KCNAB1: variants seen among roughly 807,000 people sequenced by gnomAD.
The protein encoded by KCNAB1 is potassium voltage-gated channel subfamily A regulatory beta subunit 1.
A neutral mutation model predicts 64.6 loss-of-function variants in KCNAB1; 35 were observed. That is an observed-to-expected ratio of 0.54 (90% CI 0.41 to 0.72). The LOEUF is 0.72. Ranked by LOEUF, KCNAB1 falls within the 30% of genes least tolerant of loss-of-function variation. KCNAB1 has a pLI of 0.00. For missense variants in KCNAB1, 401 were observed against 512.9 expected (o/e 0.78, Z 2.11); for synonymous variants, 177 against 183.8 (o/e 0.96, Z 0.30).
intron 8 of KCNAB1, among the ~76,000 whole-genome samples, chr3:156,507,902 T>C (rs1040942403): frequency 2.0e-5 from 3 of 152,256 alleles, no homozygotes; most frequent in Admixed American, 6.5e-5. Context: ...GCTCTAAAAA[T>C]AGCAATTTTA....
intron 8 of KCNAB1, among the ~76,000 whole-genome samples, chr3:156,509,146 C>G (rs545739189): frequency 1.8e-4 from 27 of 152,018 alleles, no homozygotes; most frequent in African/African-American, 4.6e-4. Context: ...TGCTTATGTA[C>G]TAAGGCAAAT....
chr3:156,277,562 C>A (rs114234266), intron 1 of KCNAB1, among the ~76,000 whole-genome samples: 2,646 of 152,196 alleles, frequency 0.017, 53 homozygotes, highest in South Asian at 0.021. Context: ...TGTGTTGTTG[C>A]AAATGGTGGA....
At chr3:156,327,827 G>T (rs534009083) in intron 1 of KCNAB1, among the ~76,000 whole-genome samples, 1 of 152,224 alleles carries the variant, frequency 6.6e-6, no homozygotes, top group East Asian at 1.9e-4. Flanking sequence ...CAGATAGGTG[G>T]CTTTCTTCAT....
chr3:156,263,515 A>G (rs1718540331), intron 1 of KCNAB1, among the ~76,000 whole-genome samples: 3 of 152,028 alleles, frequency 2.0e-5, no homozygotes, highest in African/African-American at 7.2e-5. Context: ...CCCTTTTAAT[A>G]TAGTAAGACT....
intron 1 of KCNAB1, among the ~76,000 whole-genome samples, chr3:156,240,689 A>G (rs1002301423): frequency 3.3e-5 from 5 of 152,152 alleles, no homozygotes; most frequent in Non-Finnish European, 5.9e-5. Flanking sequence ...TATGCTCCAA[A>G]TTTTGGTTAA....
intron 1 of KCNAB1, among the ~76,000 whole-genome samples, chr3:156,366,624 A>C (rs183833755): frequency 1.5e-3 from 231 of 152,336 alleles, no homozygotes; most frequent in Non-Finnish European, 2.7e-3. Flanking sequence ...TAACCAAATC[A>C]GGAATTGAGA....
At chr3:156,126,354 G>A (rs143740999) in intron 1 of KCNAB1, among the ~76,000 whole-genome samples, 18 of 152,292 alleles carry the variant, frequency 1.2e-4, no homozygotes, top group Non-Finnish European at 2.2e-4. Flanking sequence ...GTGCAGAGGA[G>A]AGAGTATGAT....
At chr3:156,515,980 T>C (rs1717532018) in intron 10 of KCNAB1, among the ~76,000 whole-genome samples, 1 of 151,148 alleles carries the variant, frequency 6.6e-6, no homozygotes, top group African/African-American at 2.4e-5. Context: ...TGTTAGGTAC[T>C]AAATGGACAA....
chr3:156,175,416 C>T (rs1350921594), intron 1 of KCNAB1, among the ~76,000 whole-genome samples: 2 of 152,102 alleles, frequency 1.3e-5, no homozygotes, highest in South Asian at 2.1e-4. Flanking sequence ...GTCAGGAGAT[C>T]GAGACCATCC....
chr3:156,178,948 C>G (rs1464795463), intron 1 of KCNAB1, among the ~76,000 whole-genome samples: 3 of 145,252 alleles, frequency 2.1e-5, no homozygotes, highest in Non-Finnish European at 4.4e-5. Flanking sequence ...TTGCAGTGAG[C>G]CGAGATCGCG....
chr3:156,231,051 C>T (rs549538509), intron 1 of KCNAB1, among the ~76,000 whole-genome samples: 1 of 152,298 alleles, frequency 6.6e-6, no homozygotes, highest in East Asian at 1.9e-4. Context: ...CTCTCCTCCT[C>T]TTGCTCTGGT....
chr3:156,478,615 C>T (rs754762153), intron 8 of KCNAB1, among the ~76,000 whole-genome samples: 3 of 152,072 alleles, frequency 2.0e-5, no homozygotes, highest in South Asian at 2.1e-4. Flanking sequence ...CAATGAGCAT[C>T]GCTAAGATAC....
At chr3:156,244,223 T>G (rs1427608679) in intron 1 of KCNAB1, among the ~76,000 whole-genome samples, 1 of 152,224 alleles carries the variant, frequency 6.6e-6, no homozygotes, top group Non-Finnish European at 1.5e-5. Context: ...CCTTACTTTT[T>G]CCAGATTCTA....
chr3:156,357,154 T>C (rs1434509317), intron 1 of KCNAB1, among the ~76,000 whole-genome samples: 1 of 135,144 alleles, frequency 7.4e-6, no homozygotes, highest in Admixed American at 7.0e-5. Context: ...AACACACATG[T>C]GCGCGCACAC....
At chr3:156,338,399 C>T (rs1341077660) in intron 1 of KCNAB1, among the ~76,000 whole-genome samples, 1 of 148,102 alleles carries the variant, frequency 6.8e-6, no homozygotes, top group African/African-American at 2.5e-5. Flanking sequence ...CAACCTCCGC[C>T]TCCCGGGTTC....
intron 1 of KCNAB1, among the ~76,000 whole-genome samples, chr3:156,178,930 G>A (rs567949378): frequency 8.1e-4 from 122 of 150,602 alleles, no homozygotes; most frequent in Middle Eastern, 3.4e-3. Flanking sequence ...GAACCTGGGA[G>A]GCGGAGCTTG....
At chr3:156,471,877 G>A (rs1395992654) in intron 7 of KCNAB1, among the ~76,000 whole-genome samples, 2 of 152,206 alleles carry the variant, frequency 1.3e-5, no homozygotes, top group Non-Finnish European at 2.9e-5. Context: ...TCACATGAAA[G>A]ACCAAAGCAG....
At chr3:156,266,526 A>G (rs1576659832) in intron 1 of KCNAB1, among the ~76,000 whole-genome samples, 1 of 152,352 alleles carries the variant, frequency 6.6e-6, no homozygotes, top group Non-Finnish European at 1.5e-5. Flanking sequence ...CTCAGTTCAC[A>G]TTACCTTGAT....
chr3:156,266,294 G>A (rs1718703378), intron 1 of KCNAB1, among the ~76,000 whole-genome samples: 1 of 152,038 alleles, frequency 6.6e-6, no homozygotes, highest in Non-Finnish European at 1.5e-5. Flanking sequence ...TAGAGGGAAG[G>A]GCAAAGAATA....
Sources: allele counts gnomAD v4.1 joint callset (sites outside exome capture counted in the v4.1 genomes callset), GRCh38; gene constraint gnomAD v4.1.1; transcripts MANE v1.5; gene names NCBI Gene and HGNC (gene_info 2026-07-23, HGNC 2026-07-21).